Variants in DOCK10 observed in about 807,000 individuals in gnomAD.
The protein encoded by DOCK10 is dedicator of cytokinesis protein 10.
In DOCK10, 145 loss-of-function variants were observed where a neutral mutation model predicts 280.1. That is an observed-to-expected ratio of 0.52 (90% CI 0.45 to 0.59). The LOEUF is 0.59. Among genes scored for constraint, DOCK10 ranks in the 20% least tolerant of loss-of-function variants. The pLI, the probability that DOCK10 is intolerant of heterozygous loss-of-function variation, is 0.00. For missense variants in DOCK10, 2,368 were observed against 2,651.7 expected, an observed-to-expected ratio of 0.89 and a Z score of 2.35; for synonymous variants, 915 against 942.2, an observed-to-expected ratio of 0.97 and a Z score of 0.53.
chr2:224,970,013 A>C lies in DOCK10; in HGVS notation c.124-38345T>G, dbSNP rs1048460589. Among the ~76,000 whole-genome samples, 3 of 152,216 alleles carry C rather than the reference A, an allele frequency of 2.0e-5. No homozygotes were observed. Among genetic ancestry groups the C allele is most frequent in the African/African-American group, 7.2e-5 (3 of 41,528 alleles). ...TCCCCCAGTGGCTTTCATTTGGGGA[A>C]TATCATTGGGTTCACTGGCTTTTTC... is the stretch of plus-strand genomic sequence containing the variant. On this transcript the variant is annotated intron_variant, in intron 1 of 55. Transcript: ENST00000258390. This position sits in a 1 kb window ranked among gnomAD's most constrained non-coding sequence, Gnocchi z 4.6.
chr2:225,010,881 G>A (rs575414827), intron 1 of DOCK10, among the ~76,000 whole-genome samples: 14 of 152,248 alleles, frequency 9.2e-5, no homozygotes, highest in Non-Finnish European at 1.9e-4. Flanking sequence ...GCACAGCAAG[G>A]ACATACTGAT....
At chr2:224,956,638 A>G (rs1358438271) in intron 1 of DOCK10, among the ~76,000 whole-genome samples, 1 of 144,396 alleles carries the variant, frequency 6.9e-6, no homozygotes, top group South Asian at 2.4e-4. Flanking sequence ...AAAAAAAAAA[A>G]AAAAAAAAAA....
In DOCK10 at chr2:224,797,953, C is replaced by T; in HGVS notation, c.4523G>A (p.Cys1508Tyr). Residue 1508 changes from cysteine to tyrosine, a missense_variant, in exon 42 of 56, where the codon TGT (cysteine) becomes TAT (tyrosine). By Grantham distance (194) the Cys-to-Tyr change is radical. Coordinates refer to ENST00000258390, the MANE Select transcript of DOCK10 (RefSeq NM_014689.3). Reference protein sequence around the residue: ...TQTHQRQLQQCDCQNSLMKRV... With the variant: ...TQTHQRQLQQYDCQNSLMKRV... ...TTTCATCAATGAATTTTGACAGTCA[C>T]ATTGTTGGAGTTGTCTCTGGAAATT... 6.2e-7 allele frequency: 1 copy of T among 1,613,440 alleles called. No homozygotes were observed. The highest frequency in any genetic ancestry group is 1.1e-5 in the South Asian group (1 of 91,038).
chr2:224,986,928 T>A (rs568637835), intron 1 of DOCK10, among the ~76,000 whole-genome samples: 43 of 152,304 alleles, frequency 2.8e-4, no homozygotes, highest in Non-Finnish European at 1.3e-4. Context: ...AGGCTCTTAA[T>A]TCCCCCAGGT....
chr2:224,976,010 T>C (rs1705416081), intron 1 of DOCK10, among the ~76,000 whole-genome samples: 1 of 152,166 alleles, frequency 6.6e-6, no homozygotes, highest in African/African-American at 2.4e-5. Context: ...ACCCAGGGGA[T>C]ACAATGAATT....
At position 224,819,541 on chromosome 2, in the gene DOCK10, A is replaced by G. The variant is rs1183458112; in HGVS notation, c.3184-12T>C. On this transcript the variant is annotated splice_polypyrimidine_tract_variant and intron_variant, in intron 28 of 55. Coordinates refer to ENST00000258390, the MANE Select transcript of DOCK10 (RefSeq NM_014689.3). ...AATGTAAAGCAGCGCTAAAATAGAT[A>G]AAATTCTAAATTTAAACACTTTTAC... The G allele has an allele frequency of 6.4e-7, 1 of 1,555,622 alleles. No individual in the cohort carries two copies. The highest frequency in any genetic ancestry group is 8.7e-7 in the Non-Finnish European group (1 of 1,147,836).
chr2:224,871,620 C>T (rs886833231), intron 11 of DOCK10, among the ~76,000 whole-genome samples: 1 of 152,206 alleles, frequency 6.6e-6, no homozygotes, highest in Non-Finnish European at 1.5e-5. Flanking sequence ...GTATACCCTT[C>T]ACCTCCCTAA....
chr2:224,988,430 C>A (rs925006397), intron 1 of DOCK10, among the ~76,000 whole-genome samples: 1 of 152,174 alleles, frequency 6.6e-6, no homozygotes, highest in East Asian at 1.9e-4. Flanking sequence ...TCGCCATGTG[C>A]CAGGCACAGT....
chr2:224,898,083 G>A (rs2125836386), intron 3 of DOCK10, among the ~76,000 whole-genome samples: 1 of 152,320 alleles, frequency 6.6e-6, no homozygotes, highest in South Asian at 2.1e-4. Flanking sequence ...GTAAGGTGCA[G>A]GACTGCTGCA....
intron 1 of DOCK10, among the ~76,000 whole-genome samples, chr2:225,019,825 T>C (rs1219211854): frequency 6.6e-6 from 1 of 152,194 alleles, no homozygotes; most frequent in Admixed American, 6.5e-5. Flanking sequence ...GATTTCATGA[T>C]TCTTAAGTTA....
intron 11 of DOCK10, among the ~76,000 whole-genome samples, chr2:224,872,073 T>A (rs1485682034): frequency 6.6e-6 from 1 of 152,178 alleles, no homozygotes; most frequent in Non-Finnish European, 1.5e-5. Flanking sequence ...TCATTTCTAC[T>A]CACACCTAGT....
At position 224,801,295 on chromosome 2, in the gene DOCK10, A is replaced by AC. The variant is rs1450548785; in HGVS notation, c.4393+620_4393+621insG. Among the ~76,000 whole-genome samples the AC allele has an allele frequency of 9.4e-3, 1,420 of 151,536 alleles. 30 individuals carry two copies. Among genetic ancestry groups the AC allele is most frequent in the African/African-American group, 0.032 (1,331 of 41,038 alleles). ...TTCAAGACATGGCAAAAAAAAAAAA[A>AC]AAAAAAAACATATTTGGGGATAAAA... On this transcript the variant is annotated intron_variant, in intron 40 of 55. Transcript: ENST00000258390.
rs772806707 is a variant in DOCK10 at position 224,916,709 on chromosome 2, A to G, written c.319T>C (p.Leu107=). 6.2e-7 allele frequency: 1 copy of G among 1,609,572 alleles called. No individual in the cohort carries two copies. Among genetic ancestry groups the G allele is most frequent in the Non-Finnish European group, 8.5e-7 (1 of 1,177,728 alleles). ...ATCACATTTACCTCCTTAACCAGTA[A>G]ATTTTCTGCCTTGTGCTCTGCATCT... The part of the protein sequence containing the change: ...PEDAEHKAEN[L]LVKEACKFYS... The change falls in exon 3 of 56, where the codon TTA becomes CTA. Residue 107 remains leucine, a synonymous_variant. Coordinates refer to ENST00000258390, the MANE Select transcript of DOCK10 (RefSeq NM_014689.3).
At chr2:224,779,192 C>T (rs559601092) in intron 50 of DOCK10, among the ~76,000 whole-genome samples, 15 of 150,736 alleles carry the variant, frequency 1.0e-4, no homozygotes, top group Admixed American at 4.0e-4. Context: ...AGATTAAGTT[C>T]GGAGTTAAGA....
In DOCK10 at chr2:224,805,187, A is replaced by G. The variant is rs771049950; in HGVS notation, c.4051+19T>C. On this transcript the variant is annotated intron_variant, in intron 36 of 55. Coordinates refer to ENST00000258390, the MANE Select transcript of DOCK10 (RefSeq NM_014689.3). The surrounding 1 kb of genome is among the most constrained non-coding windows in gnomAD (Gnocchi z 4.3). Reference sequence around the variant, plus strand: ...TTTTCTTTTTCCTTTTTTCAAAAAAATTAAAGAATTCTCTTTACCGTACGA... The same window carrying G: ...TTTTCTTTTTCCTTTTTTCAAAAAAGTTAAAGAATTCTCTTTACCGTACGA... The G allele has an allele frequency of 7.3e-5, 117 of 1,600,148 alleles. No homozygotes were observed. The highest frequency in any genetic ancestry group is 9.7e-5 in the Non-Finnish European group (114 of 1,175,466).
intron 1 of DOCK10, among the ~76,000 whole-genome samples, chr2:225,035,547 T>G (rs867334853): frequency 0.051 from 726 of 14,302 alleles, 37 homozygotes; most frequent in South Asian, 0.076. Flanking sequence ...ATATATTATA[T>G]ATATATATAT....
intron 41 of DOCK10, among the ~76,000 whole-genome samples, chr2:224,798,804 T>A (rs1041505032): frequency 1.8e-4 from 27 of 152,034 alleles, no homozygotes; most frequent in South Asian, 2.1e-4. Context: ...ACTAATTTTT[T>A]AAATTTTTTT....
chr2:224,950,127 T>C (rs1703645108), intron 1 of DOCK10, among the ~76,000 whole-genome samples: 1 of 152,206 alleles, frequency 6.6e-6, no homozygotes, highest in Admixed American at 6.5e-5. Context: ...GAAAGATTCA[T>C]TCGGTAGCTA....
chr2:224,804,345 C>A (rs866812609), intron 38 of DOCK10, 132 bp from the exon 39 acceptor site: 1 of 559,066 alleles, frequency 1.8e-6, no homozygotes, highest in Non-Finnish European at 3.1e-6. Flanking sequence ...AAAATAAAAC[C>A]CTGTTTTCTT....
Sources: gnomAD v4.1 joint callset for allele counts (sites outside exome capture counted in the v4.1 genomes callset) on GRCh38, gnomAD v4.1.1 for gene constraint, Gnocchi (gnomAD v3.1) non-coding constraint, MANE v1.5 for transcripts, NCBI Gene and HGNC (gene_info 2026-07-23, HGNC 2026-07-21) for gene names.